The following GPC6 variants were observed in gnomAD, a reference collection of about 807,000 sequenced individuals.
The protein encoded by GPC6 is glypican 6, also known as glypican-6.
GPC6 carries 14 observed loss-of-function variants against 55.2 expected under a neutral mutation model. The ratio of observed to expected loss-of-function variants is 0.25; its 90% CI spans 0.17 to 0.40. The LOEUF (loss-of-function observed/expected upper bound fraction) is 0.40. Among genes scored for constraint, GPC6 ranks in the 10% least tolerant of loss-of-function variants. The probability of loss-of-function intolerance (pLI) is 1.00; values close to 1 mark genes in which losing one functional copy is unlikely to be tolerated. For missense variants in GPC6, 641 were observed against 708.5 expected, an observed-to-expected ratio of 0.90 and a Z score of 1.08; for synonymous variants, 278 against 259.6, an observed-to-expected ratio of 1.07 and a Z score of -0.68.
intron 4 of GPC6, among the ~76,000 whole-genome samples, chr13:94,208,774 A>AAC (rs1889982390): frequency 6.7e-6 from 1 of 150,266 alleles, no homozygotes; most frequent in Non-Finnish European, 1.5e-5. Flanking sequence ...AAAAAAAAAA[A>AAC]AAAAACAAGC....
intron 4 of GPC6, among the ~76,000 whole-genome samples, chr13:94,069,593 C>T (rs1041465165): frequency 1.3e-5 from 2 of 152,064 alleles, no homozygotes; most frequent in Non-Finnish European, 2.9e-5. Flanking sequence ...AATGGAATGC[C>T]TTTAACAGTA....
At chr13:93,676,846 G>C (rs963086968) in intron 2 of GPC6, among the ~76,000 whole-genome samples, 5 of 151,858 alleles carry the variant, frequency 3.3e-5, no homozygotes, top group African/African-American at 1.2e-4. Context: ...GAAAACCTGG[G>C]ACAAGTTTGA....
chr13:94,014,880 A>C (rs1330159611), intron 3 of GPC6, among the ~76,000 whole-genome samples: 1 of 152,122 alleles, frequency 6.6e-6, no homozygotes, highest in Non-Finnish European at 1.5e-5. Context: ...TATTCCTTTT[A>C]ATTGGTGAAT....
At chr13:94,183,859 C>T (rs923566198) in intron 4 of GPC6, among the ~76,000 whole-genome samples, 3 of 152,092 alleles carry the variant, frequency 2.0e-5, no homozygotes, top group African/African-American at 7.2e-5. Context: ...ATTATTTTTA[C>T]TCAAACCAGG....
intron 2 of GPC6, among the ~76,000 whole-genome samples, chr13:93,621,741 T>G (rs1022872569): frequency 1.3e-5 from 2 of 152,208 alleles, no homozygotes; most frequent in African/African-American, 4.8e-5. Context: ...TTGAATTTGA[T>G]GCAAATATGT....
At chr13:93,519,126 A>G (rs920042368) in intron 1 of GPC6, among the ~76,000 whole-genome samples, 6 of 152,046 alleles carry the variant, frequency 3.9e-5, no homozygotes, top group African/African-American at 1.2e-4. Context: ...AGCTTAAACT[A>G]TCTGGCCTTT....
chr13:93,976,358 C>CAAAAA (rs1880515932), intron 3 of GPC6, among the ~76,000 whole-genome samples: 1 of 151,848 alleles, frequency 6.6e-6, no homozygotes, highest in African/African-American at 2.4e-5. Flanking sequence ...TCTTTAAACT[C>CAAAAA]TGTTAATCAT....
chr13:93,949,822 G>T (rs1879172707), intron 3 of GPC6, among the ~76,000 whole-genome samples: 1 of 152,054 alleles, frequency 6.6e-6, no homozygotes, highest in African/African-American at 2.4e-5. Context: ...CCACCTCTGG[G>T]CTCCCGTGAT....
At chr13:93,240,383 T>G (rs756092456) in intron 1 of GPC6, among the ~76,000 whole-genome samples, 8 of 152,172 alleles carry the variant, frequency 5.3e-5, no homozygotes, top group Admixed American at 2.6e-4. Context: ...TGACCTTCTA[T>G]GTCTTTTTAT....
intron 1 of GPC6, among the ~76,000 whole-genome samples, chr13:93,318,317 A>G (rs1594093101): frequency 6.9e-6 from 1 of 145,256 alleles, no homozygotes; most frequent in African/African-American, 2.5e-5. Flanking sequence ...GACCAAGAAG[A>G]AAAAAAAAGC....
chr13:94,058,361 C>A (rs144789839), intron 4 of GPC6, among the ~76,000 whole-genome samples: 1 of 152,278 alleles, frequency 6.6e-6, no homozygotes, highest in East Asian at 1.9e-4. Context: ...TGCTTATTTG[C>A]TAGCTAAGGA....
At chr13:93,349,127 G>T (rs1880532219) in intron 1 of GPC6, among the ~76,000 whole-genome samples, 1 of 152,166 alleles carries the variant, frequency 6.6e-6, no homozygotes, top group Non-Finnish European at 1.5e-5. Context: ...GTTCAGAAGA[G>T]AAATGAATTC....
At chr13:94,061,664 C>T (rs1291479890) in intron 4 of GPC6, among the ~76,000 whole-genome samples, 1 of 151,854 alleles carries the variant, frequency 6.6e-6, no homozygotes, top group Non-Finnish European at 1.5e-5. Context: ...AATCTTGACT[C>T]ATGGGAGGTG....
chr13:93,488,221 T>A (rs1237672036), intron 1 of GPC6, among the ~76,000 whole-genome samples: 1 of 152,160 alleles, frequency 6.6e-6, no homozygotes, highest in Non-Finnish European at 1.5e-5. Context: ...CATGTGGTGT[T>A]TGGTTTTTTG....
At chr13:93,291,427 G>C (rs527552259) in intron 1 of GPC6, among the ~76,000 whole-genome samples, 2 of 152,152 alleles carry the variant, frequency 1.3e-5, no homozygotes, top group African/African-American at 4.8e-5. Flanking sequence ...CTACTCAGTG[G>C]GTTTCTGAAC....
intron 2 of GPC6, among the ~76,000 whole-genome samples, chr13:93,580,218 A>G (rs1876870207): frequency 6.6e-6 from 1 of 152,118 alleles, no homozygotes; most frequent in African/African-American, 2.4e-5. Context: ...AAAGAGCAAA[A>G]TAACTCTCTT....
chr13:94,167,614 G>C (rs905961648), intron 4 of GPC6, among the ~76,000 whole-genome samples: 3 of 152,124 alleles, frequency 2.0e-5, no homozygotes, highest in Non-Finnish European at 4.4e-5. Context: ...GAGAAGGGTA[G>C]GAATTTTCTA....
chr13:94,088,680 G>A (rs1472139682), intron 4 of GPC6, among the ~76,000 whole-genome samples: 2 of 152,096 alleles, frequency 1.3e-5, no homozygotes, highest in Non-Finnish European at 2.9e-5. Context: ...CAAAAACCAG[G>A]CCTGATTGAA....
intron 4 of GPC6, among the ~76,000 whole-genome samples, chr13:94,144,448 A>C (rs1314716496): frequency 1.4e-5 from 2 of 144,004 alleles, no homozygotes; most frequent in African/African-American, 2.6e-5. Flanking sequence ...CACACACCAG[A>C]AATGGAACAC....
Sources: allele counts gnomAD v4.1 joint callset (sites outside exome capture counted in the v4.1 genomes callset), GRCh38; gene constraint gnomAD v4.1.1; transcripts MANE v1.5; gene names NCBI Gene and HGNC (gene_info 2026-07-23, HGNC 2026-07-21).